Variants in ARHGEF26 observed in about 807,000 individuals in gnomAD.
ARHGEF26 encodes the protein Rho guanine nucleotide exchange factor 26.
Under a neutral mutation model 89.4 loss-of-function variants are expected in ARHGEF26, and 59 were observed. The ratio of observed to expected loss-of-function variants is 0.66; its 90% CI spans 0.54 to 0.82. The LOEUF is 0.82. Ranked by LOEUF, ARHGEF26 falls within the 40% of genes least tolerant of loss-of-function variation. The pLI is 0.00. For missense variants in ARHGEF26, 1,234 were observed against 1,085.6 expected (o/e 1.14, Z -1.92); for synonymous variants, 500 against 428.4 (o/e 1.17, Z -2.06).
intron 12 of ARHGEF26, among the ~76,000 whole-genome samples, chr3:154,244,702 A>G (rs1375301098): frequency 6.6e-6 from 1 of 151,544 alleles, no homozygotes; most frequent in Non-Finnish European, 1.5e-5. Context: ...AATTATAAAT[A>G]TATACACATA....
Position 154,256,662 on chromosome 3 carries a change from A to G in ARHGEF26, c.*1189A>G. ...TTTTCAGCTGTTCCAACTCGTTTCCAAATAGAAATTAGCTGGAACACACTA... is the reference window on the plus strand; with the variant it reads ...TTTTCAGCTGTTCCAACTCGTTTCCGAATAGAAATTAGCTGGAACACACTA... On this transcript the variant is annotated 3_prime_UTR_variant, in exon 15 of 15. Transcript: ENST00000465093. 4 of 1,204,172 alleles carry G rather than the reference A, an allele frequency of 3.3e-6. No homozygotes were observed. The highest frequency in any genetic ancestry group is 4.1e-6 in the Non-Finnish European group (4 of 972,020). 74.6% of individuals were successfully genotyped at this position (1,204,172 alleles called of 1,614,324 possible).
intron 4 of ARHGEF26, among the ~76,000 whole-genome samples, chr3:154,145,303 G>A (rs1213401356): frequency 6.6e-6 from 1 of 152,196 alleles, no homozygotes; most frequent in African/African-American, 2.4e-5. Flanking sequence ...TAAGTCTGTA[G>A]AAAGGACCTG....
In ARHGEF26 at chr3:154,256,785, T is replaced by G. The variant is rs1037912139; in HGVS notation, c.*1312T>G. The G allele has an allele frequency of 6.8e-7, 1 of 1,478,972 alleles. No individual in the cohort carries two copies. Among genetic ancestry groups the G allele is most frequent in the Non-Finnish European group, 8.9e-7 (1 of 1,123,060 alleles). 91.6% of individuals were successfully genotyped at this position (1,478,972 alleles called of 1,614,324 possible). ...TTTTGACCTTAGTGGGAATTCATTC[T>G]ATTTGCACTAAAAGCCTTAACTTGC... On this transcript the variant is annotated 3_prime_UTR_variant, in exon 15 of 15. Coordinates refer to ENST00000465093, the MANE Select transcript of ARHGEF26 (RefSeq NM_015595.4).
intron 6 of ARHGEF26, among the ~76,000 whole-genome samples, chr3:154,155,037 T>G (rs984921055): frequency 1.7e-4 from 26 of 152,036 alleles, no homozygotes; most frequent in Admixed American, 6.6e-5. Context: ...CCACCAAGAA[T>G]AGATGAATGC....
intron 6 of ARHGEF26, among the ~76,000 whole-genome samples, chr3:154,168,563 A>G (rs2108133363): frequency 1.3e-5 from 2 of 152,058 alleles, no homozygotes; most frequent in East Asian, 3.9e-4. Context: ...GGTGACAGAG[A>G]CTCTCTGTGT....
At chr3:154,167,932 G>T (rs560675459) in intron 6 of ARHGEF26, among the ~76,000 whole-genome samples, 3 of 152,150 alleles carry the variant, frequency 2.0e-5, no homozygotes, top group South Asian at 2.1e-4. Flanking sequence ...CAATCTCCAG[G>T]TATTTTATTT....
intron 6 of ARHGEF26, among the ~76,000 whole-genome samples, chr3:154,171,738 T>G (rs1341227748): frequency 6.6e-6 from 1 of 151,440 alleles, no homozygotes; most frequent in Non-Finnish European, 1.5e-5. Context: ...TATTTGGGAG[T>G]GGTTAGCATG....
At chr3:154,250,709 C>T (rs1242484296) in intron 12 of ARHGEF26, among the ~76,000 whole-genome samples, 2 of 152,124 alleles carry the variant, frequency 1.3e-5, no homozygotes, top group African/African-American at 4.8e-5. Flanking sequence ...TAATTTGTTT[C>T]AGTATGGCAT....
intron 12 of ARHGEF26, among the ~76,000 whole-genome samples, chr3:154,251,415 G>T (rs560452803): frequency 2.0e-4 from 30 of 152,342 alleles, no homozygotes; most frequent in Admixed American, 1.6e-3. Flanking sequence ...AGATGAGTCA[G>T]TAAATGATTG....
At chr3:154,139,341 T>A (rs1380499938) in intron 4 of ARHGEF26, among the ~76,000 whole-genome samples, 1 of 152,212 alleles carries the variant, frequency 6.6e-6, no homozygotes, top group Non-Finnish European at 1.5e-5. Context: ...CTTTTAAATA[T>A]ATCATATACT....
chr3:154,175,624 A>G (rs140183015), intron 6 of ARHGEF26, among the ~76,000 whole-genome samples: 17 of 152,364 alleles, frequency 1.1e-4, no homozygotes, highest in Non-Finnish European at 2.5e-4. Flanking sequence ...ATACTAATTT[A>G]CAAATTAGAA....
chr3:154,211,639 G>T (rs1191830926), intron 9 of ARHGEF26, among the ~76,000 whole-genome samples: 1 of 152,128 alleles, frequency 6.6e-6, no homozygotes, highest in African/African-American at 2.4e-5. Context: ...TCTTATGAAG[G>T]TGTTTTCTCT....
chr3:154,241,659 A>G (rs1037048345), intron 12 of ARHGEF26, among the ~76,000 whole-genome samples: 4 of 152,216 alleles, frequency 2.6e-5, no homozygotes, highest in Admixed American at 6.5e-5. Flanking sequence ...ATTGGGCTCA[A>G]CTTCCAACAC....
chr3:154,190,902 C>G (rs1488861975), intron 7 of ARHGEF26, among the ~76,000 whole-genome samples: 1 of 152,076 alleles, frequency 6.6e-6, no homozygotes, highest in Admixed American at 6.6e-5. Context: ...TATTTATGAT[C>G]TTATTAATGA....
intron 11 of ARHGEF26, 26 bp from the exon 12 acceptor site, chr3:154,240,344 C>T (rs370483563): frequency 5.4e-5 from 83 of 1,537,324 alleles, no homozygotes; most frequent in Non-Finnish European, 6.5e-5. Flanking sequence ...GAATAATTGA[C>T]GTGTTCTTTT....
chr3:154,153,638 A>G (rs1304394733), intron 6 of ARHGEF26, among the ~76,000 whole-genome samples: 1 of 152,092 alleles, frequency 6.6e-6, no homozygotes, highest in African/African-American at 2.4e-5. Flanking sequence ...CACATGTTGC[A>G]AAATTCCAAA....
At chr3:154,162,789 A>C (rs963195754) in intron 6 of ARHGEF26, among the ~76,000 whole-genome samples, 2 of 152,194 alleles carry the variant, frequency 1.3e-5, no homozygotes, top group Admixed American at 6.5e-5. Context: ...GGCTCTGGCC[A>C]GGTGTGACCC....
chr3:154,123,100 C>G (rs1718099370), intron 2 of ARHGEF26, 25 bp downstream of exon 2: 6 of 1,610,512 alleles, frequency 3.7e-6, no homozygotes, highest in Non-Finnish European at 5.1e-6. Flanking sequence ...GAGTGTGGCA[C>G]GCCATTCACT....
At chr3:154,166,264 A>C (rs780952117) in intron 6 of ARHGEF26, among the ~76,000 whole-genome samples, 68 of 152,074 alleles carry the variant, frequency 4.5e-4, no homozygotes, top group Admixed American at 7.2e-4. Context: ...GTTAGCCAGA[A>C]TGGTCTCGAT....
Sources: gnomAD v4.1 joint callset for allele counts (sites outside exome capture counted in the v4.1 genomes callset) on GRCh38, gnomAD v4.1.1 for gene constraint, MANE v1.5 for transcripts, NCBI Gene and HGNC (gene_info 2026-07-23, HGNC 2026-07-21) for gene names.